SGPP2: variants seen among roughly 807,000 people sequenced by gnomAD.
The protein encoded by SGPP2 is sphingosine-1-phosphate phosphatase 2.
Under a neutral mutation model 33.9 loss-of-function variants are expected in SGPP2, and 30 were observed. The observed-to-expected ratio is 0.89, with a 90% CI of 0.66 to 1.20. SGPP2 has a LOEUF of 1.20. SGPP2 is among the 50% of genes most tolerant of loss of function. SGPP2 has a pLI of 0.00. For missense variants in SGPP2, 458 were observed against 532.1 expected (o/e 0.86, Z 1.37); for synonymous variants, 233 against 225.0 (o/e 1.04, Z -0.32).
At chr2:222,522,000 C>G (rs191927229) in intron 3 of SGPP2, 54 bp downstream of exon 3, 50 of 1,435,482 alleles carry the variant, frequency 3.5e-5, no homozygotes, top group Non-Finnish European at 4.3e-5. Flanking sequence ...CAAATAGAGG[C>G]TGCACTTCTG....
At chr2:222,507,891 G>T (rs1310716011) in intron 2 of SGPP2, among the ~76,000 whole-genome samples, 1 of 152,160 alleles carries the variant, frequency 6.6e-6, no homozygotes, top group Non-Finnish European at 1.5e-5. Flanking sequence ...GTCCTGTCAT[G>T]AACATTTAGC....
intron 1 of SGPP2, among the ~76,000 whole-genome samples, chr2:222,453,811 G>A (rs1337825546): frequency 6.6e-6 from 1 of 152,134 alleles, no homozygotes; most frequent in Non-Finnish European, 1.5e-5. Flanking sequence ...AATGTTATAT[G>A]CAAATTTTTG....
chr2:222,470,045 A>G (rs924154928), intron 1 of SGPP2, among the ~76,000 whole-genome samples: 1 of 152,210 alleles, frequency 6.6e-6, no homozygotes, highest in Non-Finnish European at 1.5e-5. Flanking sequence ...GTTCTCACTC[A>G]TAAGTGGGAG....
intron 1 of SGPP2, among the ~76,000 whole-genome samples, chr2:222,429,610 A>G (rs983487295): frequency 3.3e-5 from 5 of 152,202 alleles, no homozygotes; most frequent in Non-Finnish European, 5.9e-5. Context: ...TAATGGCCGC[A>G]TGTTCCTCCA....
intron 2 of SGPP2, among the ~76,000 whole-genome samples, chr2:222,483,713 G>C (rs1415825109): frequency 6.6e-6 from 1 of 152,184 alleles, no homozygotes; most frequent in Non-Finnish European, 1.5e-5. Context: ...CCTGGTTAAA[G>C]ACAAGAGGGA....
intron 4 of SGPP2, among the ~76,000 whole-genome samples, chr2:222,551,667 T>G (rs1025307408): frequency 3.9e-5 from 6 of 152,214 alleles, no homozygotes; most frequent in African/African-American, 1.4e-4. Context: ...CCATATTAAC[T>G]AAAATTACTT....
chr2:222,476,693 G>A lies in SGPP2; in HGVS notation c.378+1967G>A, dbSNP rs553624912. 2.1e-4 allele frequency among the ~76,000 whole-genome samples: 32 copies of A among 152,016 alleles called. No homozygotes were observed. Among genetic ancestry groups the A allele is most frequent in the Middle Eastern group, 6.8e-3 (2 of 294 alleles). The stretch of plus-strand genomic sequence containing the variant: ...TATTTTCTAAGATGTGTGTGTGTGC[G>A]TGTGTAAGGTATAACTGTATATATA... On this transcript the variant is annotated intron_variant, in intron 2 of 4. Transcript: ENST00000321276. This position sits in a 1 kb window ranked among gnomAD's most constrained non-coding sequence, Gnocchi z 4.3.
intron 2 of SGPP2, among the ~76,000 whole-genome samples, chr2:222,492,532 G>T (rs1185593474): frequency 2.0e-5 from 3 of 152,242 alleles, no homozygotes; most frequent in African/African-American, 7.2e-5. Flanking sequence ...GCATAGAACA[G>T]GGAGGCCCTG....
In SGPP2 at chr2:222,424,570, G is replaced by T; in HGVS notation, c.-33G>T. On this transcript the variant is annotated 5_prime_UTR_variant, in exon 1 of 5. Transcript: ENST00000321276. ...CAGCGGAGGGCACCGGCCCGGCGTG[G>T]CAGCGGCGGCGGAGCGCGGCCCCGG... 8.3e-7 allele frequency: 1 copy of T among 1,201,248 alleles called. No individual in the cohort carries two copies. The highest frequency in any genetic ancestry group is 1.0e-6 in the Non-Finnish European group (1 of 962,318). The allele number at this position is 1,201,248 out of a possible 1,614,324, so 74.4% of individuals were successfully genotyped here.
At chr2:222,431,664 C>T (rs72964794) in intron 1 of SGPP2, among the ~76,000 whole-genome samples, 2,943 of 152,246 alleles carry the variant, frequency 0.019, 34 homozygotes, top group East Asian at 0.041. Context: ...GAATAGGGTT[C>T]GGGTAACCCC....
In SGPP2 at chr2:222,459,402, G is replaced by A. The variant is rs143173297; in HGVS notation, c.220-15166G>A. On this transcript the variant is annotated intron_variant, in intron 1 of 4. Transcript: ENST00000321276. ...TGAGCTCAAATGATCTGCCTGCCTC[G>A]GCCTCCCAAAGTGCTGAGATTATAG... is the stretch of plus-strand genomic sequence containing the variant. Among the ~76,000 whole-genome samples the A allele has an allele frequency of 7.2e-3, 1,097 of 151,866 alleles. 11 individuals carry two copies. Among genetic ancestry groups the A allele is most frequent in the African/African-American group, 0.025 (1,042 of 41,410 alleles).
At chr2:222,482,579 A>G (rs1045377406) in intron 2 of SGPP2, among the ~76,000 whole-genome samples, 6 of 152,058 alleles carry the variant, frequency 3.9e-5, no homozygotes, top group Non-Finnish European at 7.4e-5. Context: ...GGGTCTCACT[A>G]TGTTGGCCAG....
chr2:222,520,560 G>C (rs1698668990), intron 2 of SGPP2, among the ~76,000 whole-genome samples: 1 of 151,998 alleles, frequency 6.6e-6, no homozygotes, highest in Non-Finnish European at 1.5e-5. Context: ...GTGAAACCCT[G>C]TCTCTACAAA....
intron 2 of SGPP2, among the ~76,000 whole-genome samples, chr2:222,487,904 A>T (rs1238422024): frequency 6.6e-6 from 1 of 152,016 alleles, no homozygotes; most frequent in African/African-American, 2.4e-5. Context: ...ATTTAACTCA[A>T]CTCAGGGCCT....
intron 2 of SGPP2, among the ~76,000 whole-genome samples, chr2:222,485,091 A>G (rs945039354): frequency 1.3e-5 from 2 of 152,192 alleles, no homozygotes; most frequent in African/African-American, 4.8e-5. Flanking sequence ...AAGGGACACA[A>G]CCAGTAAATA....
At chr2:222,438,453 G>A (rs146989515) in intron 1 of SGPP2, among the ~76,000 whole-genome samples, 4 of 152,332 alleles carry the variant, frequency 2.6e-5, no homozygotes, top group African/African-American at 9.6e-5. Context: ...ACACAAAGCC[G>A]GAGAGTTGAT....
At chr2:222,497,148 G>T (rs2106115042) in intron 2 of SGPP2, among the ~76,000 whole-genome samples, 1 of 152,114 alleles carries the variant, frequency 6.6e-6, no homozygotes, top group East Asian at 1.9e-4. Flanking sequence ...GGTGTTTGCA[G>T]GATGAAAATA....
chr2:222,456,354 G>T (rs548373175), intron 1 of SGPP2, among the ~76,000 whole-genome samples: 1 of 152,182 alleles, frequency 6.6e-6, no homozygotes, highest in African/African-American at 2.4e-5. Flanking sequence ...CATATTGGGA[G>T]CCACTAGCCT....
Position 222,444,071 on chromosome 2 carries a change from A to G in SGPP2, c.219+19250A>G, listed in dbSNP as rs142291485. 1.5e-3 allele frequency among the ~76,000 whole-genome samples: 230 copies of G among 152,312 alleles called. 2 individuals are homozygous for G. The highest frequency in any genetic ancestry group is 2.1e-3 in the East Asian group (11 of 5,192). On this transcript the variant is annotated intron_variant, in intron 1 of 4. Coordinates refer to ENST00000321276, the MANE Select transcript of SGPP2 (RefSeq NM_152386.4). ...TACCAACACTGCTGTTGCTGCTACT[A>G]CTGCTAATGGCACTTCTATTATTTT...
Sources: gnomAD v4.1 joint callset for allele counts (sites outside exome capture counted in the v4.1 genomes callset) on GRCh38, gnomAD v4.1.1 for gene constraint, Gnocchi (gnomAD v3.1) non-coding constraint, MANE v1.5 for transcripts, NCBI Gene and HGNC (gene_info 2026-07-23, HGNC 2026-07-21) for gene names.